Variants in HBS1L observed in about 807,000 individuals in gnomAD.
The protein encoded by HBS1L is HBS1 like translational GTPase.
Under a neutral mutation model 88.9 loss-of-function variants are expected in HBS1L, and 55 were observed. The ratio of observed to expected loss-of-function variants is 0.62; its 90% CI spans 0.50 to 0.77. HBS1L has a LOEUF of 0.77. Among genes scored for constraint, HBS1L ranks in the 30% least tolerant of loss-of-function variants. HBS1L has a pLI of 0.00. For synonymous variants in HBS1L, 267 were observed against 288.5 expected (o/e 0.93, Z 0.76); for missense variants, 741 against 829.3 (o/e 0.89, Z 1.31).
intron 5 of HBS1L, among the ~76,000 whole-genome samples, chr6:134,998,958 G>A (rs577701851): frequency 6.6e-6 from 1 of 152,236 alleles, no homozygotes; most frequent in South Asian, 2.1e-4. Flanking sequence ...ATTCTAACAG[G>A]CTAAATTAAG....
chr6:134,977,842 G>A (rs780473412), intron 15 of HBS1L, among the ~76,000 whole-genome samples: 1 of 151,962 alleles, frequency 6.6e-6, no homozygotes, highest in Non-Finnish European at 1.5e-5. Flanking sequence ...ATGGTCATCT[G>A]TCACGTGACA....
At chr6:135,031,852 A>C (rs1437844788) in intron 4 of HBS1L, among the ~76,000 whole-genome samples, 2 of 140,514 alleles carry the variant, frequency 1.4e-5, no homozygotes, top group Admixed American at 1.4e-4. Flanking sequence ...TTTTTTTTTG[A>C]GATGGGGTCT....
intron 4 of HBS1L, among the ~76,000 whole-genome samples, chr6:135,009,473 G>C (rs894029464): frequency 4.6e-5 from 7 of 152,096 alleles, no homozygotes; most frequent in Admixed American, 3.9e-4. Flanking sequence ...GCAGGGGTCA[G>C]TGGGGCAAAA....
At chr6:134,978,635 T>C (rs1354228032) in intron 15 of HBS1L, 44 bp downstream of exon 15, 3 of 1,098,704 alleles carry the variant, frequency 2.7e-6, no homozygotes, top group Non-Finnish European at 4.0e-6. Context: ...TAAAGTTACT[T>C]TGAATTTATA....
intron 1 of HBS1L, among the ~76,000 whole-genome samples, chr6:135,050,859 C>T (rs1464270143): frequency 6.6e-6 from 1 of 152,204 alleles, no homozygotes; most frequent in Non-Finnish European, 1.5e-5. Context: ...CACAGTTCTT[C>T]AGTTGTTAAA....
At chr6:135,038,443 C>A (rs928430060) in intron 4 of HBS1L, among the ~76,000 whole-genome samples, 1 of 152,122 alleles carries the variant, frequency 6.6e-6, no homozygotes, top group Non-Finnish European at 1.5e-5. Flanking sequence ...CAAACAACCC[C>A]CGGTAATTTC....
intron 1 of HBS1L, among the ~76,000 whole-genome samples, chr6:135,053,387 C>T (rs1361998153): frequency 6.6e-6 from 1 of 152,304 alleles, no homozygotes. Context: ...TAAGCACTAA[C>T]TTAATGGTGG....
At chr6:135,007,486 ATTAAT>A (rs753520593) in intron 4 of HBS1L, among the ~76,000 whole-genome samples, 3 of 152,330 alleles carry the variant, frequency 2.0e-5, no homozygotes, top group East Asian at 3.9e-4. Context: ...TTGGAAATAT[ATTAAT>A]TTAAATTAAT....
intron 7 of HBS1L, 46 bp from the exon 8 acceptor site, chr6:134,993,921 C>T (rs187841911): frequency 1.9e-4 from 162 of 836,496 alleles, no homozygotes; most frequent in African/African-American, 1.9e-3. Flanking sequence ...ATAAATAGTG[C>T]TATAGAGTAA....
At chr6:135,022,361 C>G (rs949547) in intron 4 of HBS1L, among the ~76,000 whole-genome samples, 70,661 of 151,182 alleles carry the variant, frequency 0.47, 16,802 homozygotes, top group South Asian at 0.56. Context: ...AAAGAAGACT[C>G]TATATTTAAC....
At chr6:134,965,515 G>T (rs1774287124) in intron 17 of HBS1L, among the ~76,000 whole-genome samples, 1 of 152,106 alleles carries the variant, frequency 6.6e-6, no homozygotes, top group Non-Finnish European at 1.5e-5. Context: ...TGCTCTTTTA[G>T]AAAGAATGCC....
At chr6:135,052,253 T>C (rs1241702198) in intron 1 of HBS1L, among the ~76,000 whole-genome samples, 2 of 152,214 alleles carry the variant, frequency 1.3e-5, no homozygotes, top group Admixed American at 1.3e-4. Flanking sequence ...TAAAAATTTA[T>C]TTGCAAATAA....
intron 1 of HBS1L, among the ~76,000 whole-genome samples, chr6:135,051,097 G>A (rs1231814132): frequency 4.6e-5 from 7 of 151,950 alleles, no homozygotes; most frequent in Non-Finnish European, 7.4e-5. Context: ...ATGGTGACGT[G>A]CACCTGTAAT....
intron 13 of HBS1L, among the ~76,000 whole-genome samples, chr6:134,980,246 CT>C (rs112042595): frequency 6.6e-6 from 1 of 151,990 alleles, no homozygotes; most frequent in African/African-American, 2.4e-5. Context: ...GAGTTTCTGA[CT>C]TTTAGGGAGC....
intron 13 of HBS1L, among the ~76,000 whole-genome samples, chr6:134,979,832 A>G (rs187948853): frequency 2.0e-5 from 3 of 152,188 alleles, no homozygotes; most frequent in Non-Finnish European, 2.9e-5. Context: ...ACTTCTTTCC[A>G]GAGAGAGATC....
intron 4 of HBS1L, among the ~76,000 whole-genome samples, chr6:135,028,952 A>G (rs1275464362): frequency 1.3e-5 from 2 of 152,042 alleles, no homozygotes; most frequent in Non-Finnish European, 2.9e-5. Context: ...GAAAAACTAT[A>G]AAAAGGAGTG....
intron 12 of HBS1L, 73 bp downstream of exon 12, chr6:134,985,268 T>C: frequency 1.1e-6 from 1 of 896,598 alleles, no homozygotes; most frequent in Non-Finnish European, 1.7e-6. Flanking sequence ...CATAACTTAG[T>C]CCAGGAAAGG....
At chr6:134,969,153 C>T (rs1774407791) in intron 16 of HBS1L, 85 bp downstream of exon 16, 2 of 874,468 alleles carry the variant, frequency 2.3e-6, no homozygotes, top group South Asian at 2.9e-5. Flanking sequence ...TCACTTACCA[C>T]AAAGAGAAAT....
chr6:135,037,490 G>A, intron 4 of HBS1L: 1 of 1,546,976 alleles, frequency 6.5e-7, no homozygotes, highest in Non-Finnish European at 8.7e-7. Flanking sequence ...AAGTACAAAG[G>A]ATTATTTGAA....
Sources: gnomAD v4.1 joint callset for allele counts (sites outside exome capture counted in the v4.1 genomes callset) on GRCh38, gnomAD v4.1.1 for gene constraint, MANE v1.5 for transcripts, NCBI Gene and HGNC (gene_info 2026-07-23, HGNC 2026-07-21) for gene names.